ME3: variants seen among roughly 807,000 people sequenced by gnomAD.
The protein encoded by ME3 is NADP-dependent malic enzyme, mitochondrial.
ME3 carries 48 observed loss-of-function variants against 68.9 expected under a neutral mutation model. The ratio of observed to expected loss-of-function variants is 0.70; its 90% CI spans 0.55 to 0.89. ME3 has a LOEUF of 0.89. Ranked by LOEUF, ME3 falls within the 40% of genes least tolerant of loss-of-function variation. ME3 has a pLI of 0.00. For synonymous variants in ME3, 320 were observed against 318.8 expected (o/e 1.00, Z -0.04); for missense variants, 675 against 797.4 (o/e 0.85, Z 1.85).
chr11:86,614,048 T>A (rs1288182590), intron 2 of ME3, among the ~76,000 whole-genome samples: 1 of 152,158 alleles, frequency 6.6e-6, no homozygotes, highest in Non-Finnish European at 1.5e-5. Flanking sequence ...GCTGGTGACA[T>A]CACCCTACCT....
At position 86,561,272 on chromosome 11, in the gene ME3, TC is replaced by T. The variant is rs541501738; in HGVS notation, c.184-1450del. Among the ~76,000 whole-genome samples, 18 of 152,268 alleles carry T rather than the reference TC, an allele frequency of 1.2e-4. 1 individual carries two copies. The South Asian group carries it at 3.7e-3, about 32-fold the overall frequency. On this transcript the variant is annotated intron_variant, in intron 2 of 14. Coordinates refer to ENST00000543262, the Ensembl canonical transcript of ME3. ...TCTGGCACTACAAGATGCTCCAGGT[TC>T]ATCTTGTACATTGCCAGCCGTGGTC... is the stretch of plus-strand genomic sequence containing the variant.
chr11:86,540,628 A>AC (rs1299896730), intron 4 of ME3, among the ~76,000 whole-genome samples: 1 of 152,182 alleles, frequency 6.6e-6, no homozygotes, highest in Non-Finnish European at 1.5e-5. Context: ...TTTCAATGTT[A>AC]CCACTTCAGA....
exon 7 of ME3, chr11:86,487,359 A>C: frequency 1.2e-6 from 2 of 1,613,768 alleles, no homozygotes; most frequent in Non-Finnish European, 1.7e-6. Context: ...GCCTGCATGA[A>C]CTCATCCAGC....
intron 8 of ME3, among the ~76,000 whole-genome samples, chr11:86,457,185 C>T (rs1453681539): frequency 6.6e-6 from 1 of 152,220 alleles, no homozygotes; most frequent in African/African-American, 2.4e-5. Context: ...TTCTCATCAG[C>T]ATACAAATAC....
At chr11:86,559,621 C>A in intron 3 of ME3, 69 bp downstream of exon 3, 4 of 1,502,508 alleles carry the variant, frequency 2.7e-6, no homozygotes, top group South Asian at 1.4e-5. Context: ...AGAAAACCCT[C>A]TGTGAAGCAC....
At chr11:86,467,662 T>TTCTCTCTC (rs57747402) in intron 7 of ME3, among the ~76,000 whole-genome samples, 1 of 144,414 alleles carries the variant, frequency 6.9e-6, no homozygotes, top group African/African-American at 2.6e-5. Flanking sequence ...CTCTCTCTGT[T>TTCTCTCTC]TCTCTCTCTC....
At chr11:86,611,013 C>A (rs1942532923) in intron 2 of ME3, among the ~76,000 whole-genome samples, 1 of 152,128 alleles carries the variant, frequency 6.6e-6, no homozygotes, top group African/African-American at 2.4e-5. Context: ...TCCTAGACAG[C>A]GTTCTGAATT....
chr11:86,601,822 C>A (rs1392701705), intron 2 of ME3, among the ~76,000 whole-genome samples: 1 of 151,570 alleles, frequency 6.6e-6, no homozygotes, highest in Admixed American at 6.6e-5. Context: ...TAAATGTAAT[C>A]CAGCATATAA....
At chr11:86,671,684 T>A in intron 2 of ME3, 78 bp downstream of exon 2, 1 of 1,546,098 alleles carries the variant, frequency 6.5e-7, no homozygotes, top group Non-Finnish European at 8.8e-7. Context: ...GGATCCTTTC[T>A]GGGTCCAGGG....
intron 7 of ME3, among the ~76,000 whole-genome samples, chr11:86,466,690 G>C (rs910984205): frequency 6.6e-6 from 1 of 152,198 alleles, no homozygotes; most frequent in African/African-American, 2.4e-5. Context: ...ATACCAGTGG[G>C]TGGGCAAATA....
intron 4 of ME3, among the ~76,000 whole-genome samples, chr11:86,524,036 A>G (rs1305170511): frequency 6.6e-6 from 1 of 152,232 alleles, no homozygotes; most frequent in Admixed American, 6.5e-5. Context: ...TCCTTCAGAA[A>G]TAATAATCAG....
At chr11:86,672,023 G>A in intron 1 of ME3, 65 bp from the exon 2 acceptor site, 1 of 1,261,290 alleles carries the variant, frequency 7.9e-7, no homozygotes, top group South Asian at 2.0e-5. Flanking sequence ...CGCGCGCTGC[G>A]GGGCACCGGG....
chr11:86,528,458 G>A (rs1954942071), intron 4 of ME3, among the ~76,000 whole-genome samples: 1 of 152,086 alleles, frequency 6.6e-6, no homozygotes, highest in South Asian at 2.1e-4. Flanking sequence ...GAGACAGAAA[G>A]TTAACAAGGA....
At chr11:86,468,102 C>T (rs1045956977) in intron 7 of ME3, among the ~76,000 whole-genome samples, 1 of 152,188 alleles carries the variant, frequency 6.6e-6, no homozygotes, top group Non-Finnish European at 1.5e-5. Flanking sequence ...CAGTCTCTGA[C>T]CACAGCCTTT....
chr11:86,651,805 G>A (rs986771670), intron 2 of ME3, among the ~76,000 whole-genome samples: 9 of 152,188 alleles, frequency 5.9e-5, no homozygotes, highest in Non-Finnish European at 1.0e-4. Flanking sequence ...CCGAACTGAA[G>A]GAGGAAGTTC....
intron 2 of ME3, among the ~76,000 whole-genome samples, chr11:86,562,070 C>T (rs1957263386): frequency 1.3e-5 from 2 of 152,114 alleles, no homozygotes; most frequent in South Asian, 2.1e-4. Context: ...TTTACTTGTT[C>T]ATCTCTCTTT....
intron 2 of ME3, among the ~76,000 whole-genome samples, chr11:86,590,153 C>A (rs1042041287): frequency 6.6e-6 from 1 of 152,120 alleles, no homozygotes; most frequent in Admixed American, 6.6e-5. Flanking sequence ...CTCAAGTTTG[C>A]AAAGGACATT....
chr11:86,602,721 T>C (rs916693290), intron 2 of ME3, among the ~76,000 whole-genome samples: 1 of 152,192 alleles, frequency 6.6e-6, no homozygotes, highest in African/African-American at 2.4e-5. Context: ...AAGGCTACAG[T>C]AACCAAAACA....
intron 4 of ME3, among the ~76,000 whole-genome samples, chr11:86,541,130 G>A (rs1956020631): frequency 1.3e-5 from 2 of 152,228 alleles, no homozygotes; most frequent in Admixed American, 6.5e-5. Flanking sequence ...TTTTCCCACT[G>A]TCTTCAAAAC....
Sources: allele counts gnomAD v4.1 joint callset (sites outside exome capture counted in the v4.1 genomes callset), GRCh38; gene constraint gnomAD v4.1.1; transcripts MANE v1.5; gene names NCBI Gene and HGNC (gene_info 2026-07-23, HGNC 2026-07-21).